Variants in NPRL3 observed in about 807,000 individuals in gnomAD.
The protein encoded by NPRL3 is GATOR1 complex protein NPRL3.
NPRL3 carries 23 observed loss-of-function variants against 57.2 expected under a neutral mutation model. The ratio of observed to expected loss-of-function variants is 0.40; its 90% CI spans 0.29 to 0.57. The LOEUF is 0.57. NPRL3 is among the 20% of genes least tolerant of loss of function. NPRL3 has a pLI of 0.42. For missense variants in NPRL3, 691 were observed against 767.1 expected (o/e 0.90, Z 1.17); for synonymous variants, 333 against 321.1 (o/e 1.04, Z -0.39).
chr16:114,442 C>T (rs902285401), intron 5 of NPRL3, among the ~76,000 whole-genome samples: 4 of 152,194 alleles, frequency 2.6e-5, no homozygotes, highest in African/African-American at 7.2e-5. Context: ...ACTTTCTCAT[C>T]CCCAAAACTT....
At chr16:102,858 C>T (rs928247859) in intron 7 of NPRL3, among the ~76,000 whole-genome samples, 4 of 152,172 alleles carry the variant, frequency 2.6e-5, no homozygotes, top group African/African-American at 7.2e-5. Context: ...CCAAGTATGT[C>T]GGGGCAGACA....
At position 86,418 on chromosome 16, in the gene NPRL3, G is replaced by A. The variant is rs1898471205; in HGVS notation, c.*287C>T. On this transcript the variant is annotated 3_prime_UTR_variant, in exon 14 of 14. Coordinates refer to ENST00000611875, the MANE Select transcript of NPRL3 (RefSeq NM_001077350.3). ...GCCTTGAAGGATGCGGCCTCACCCA[G>A]AGACAGGAGTCCTGGCAGGCCCCCC... is the stretch of plus-strand genomic sequence containing the variant. 2 of 434,296 alleles carry A rather than the reference G, an allele frequency of 4.6e-6. No individual in the cohort carries two copies. The highest frequency in any genetic ancestry group is 8.5e-6 in the Non-Finnish European group (2 of 235,664). 26.9% of individuals were successfully genotyped at this position (434,296 alleles called of 1,614,324 possible). A position where few individuals can be genotyped will look rare whatever the true frequency, so the allele number is the denominator to read the frequency against.
chr16:113,389 A>T (rs1899900513), intron 5 of NPRL3, among the ~76,000 whole-genome samples: 2 of 152,212 alleles, frequency 1.3e-5, no homozygotes, highest in Admixed American at 6.5e-5. Flanking sequence ...TTAACAAGAA[A>T]ACCAGCAGGC....
At chr16:87,405 T>C (rs1391534919) in intron 13 of NPRL3, among the ~76,000 whole-genome samples, 1 of 151,682 alleles carries the variant, frequency 6.6e-6, no homozygotes, top group Non-Finnish European at 1.5e-5. Flanking sequence ...GGCTAATTTC[T>C]CTCTTTTTTA....
At chr16:104,692 C>T (rs907335589) in intron 7 of NPRL3, among the ~76,000 whole-genome samples, 1 of 152,236 alleles carries the variant, frequency 6.6e-6, no homozygotes, top group African/African-American at 2.4e-5. Context: ...TCAGAGCACT[C>T]TGCACTGAGG....
chr16:132,007 TC>T (rs1404510837), intron 2 of NPRL3, among the ~76,000 whole-genome samples: 3 of 118,902 alleles, frequency 2.5e-5, no homozygotes, highest in African/African-American at 9.5e-5. Flanking sequence ...TTTCTTTCTT[TC>T]TTTTTTTTTT....
intron 2 of NPRL3, among the ~76,000 whole-genome samples, chr16:134,419 C>G (rs1388129191): frequency 6.6e-6 from 1 of 151,862 alleles, no homozygotes; most frequent in Non-Finnish European, 1.5e-5. Flanking sequence ...CCCATGAAAA[C>G]AATGGAAAAG....
At chr16:121,388 T>C (rs1397489982) in intron 3 of NPRL3, among the ~76,000 whole-genome samples, 3 of 152,054 alleles carry the variant, frequency 2.0e-5, no homozygotes, top group East Asian at 3.9e-4. Flanking sequence ...TTTGGGAGGC[T>C]GAAGTGGGTG....
chr16:138,353 G>T lies in NPRL3; in HGVS notation c.-67-19C>A. The stretch of plus-strand genomic sequence containing the variant: ...AGGGGGCCTGAGGAGGACGGAGCCG[G>T]AGGCGGAGGGGGCCTGAGGAGGACG... On this transcript the variant is annotated intron_variant, in intron 1 of 13. Transcript: ENST00000611875. 1 of 1,063,038 alleles carries T rather than the reference G, an allele frequency of 9.4e-7. No individual in the cohort carries two copies. Among genetic ancestry groups the T allele is most frequent in the Admixed American group, 2.5e-5 (1 of 40,008 alleles). 65.9% of individuals were successfully genotyped at this position (1,063,038 alleles called of 1,614,324 possible).
At chr16:125,674 A>C (rs1264261804) in intron 3 of NPRL3, 1 of 152,278 alleles carries the variant, frequency 6.6e-6, no homozygotes, top group Non-Finnish European at 1.5e-5. Context: ...CGAGAGTCAA[A>C]CTTGGAACCC....
At chr16:88,140 C>T (rs1417047152) in intron 13 of NPRL3, among the ~76,000 whole-genome samples, 1 of 152,200 alleles carries the variant, frequency 6.6e-6, no homozygotes, top group East Asian at 1.9e-4. Context: ...GCCACATCAC[C>T]TTTAACATGG....
chr16:120,489 C>T (rs749986335), intron 3 of NPRL3, among the ~76,000 whole-genome samples: 1 of 152,240 alleles, frequency 6.6e-6, no homozygotes, highest in Non-Finnish European at 1.5e-5. Context: ...CAAGTAGCTA[C>T]ATGATTCTTT....
At chr16:88,627 G>A (rs902210920) in intron 13 of NPRL3, 71 bp downstream of exon 13, 63 of 1,356,458 alleles carry the variant, frequency 4.6e-5, no homozygotes, top group Non-Finnish European at 5.8e-5. Context: ...GTTCTGTTGC[G>A]TACGTCCCTA....
Position 98,254 on chromosome 16 carries a change from C to G in NPRL3, c.815G>C (p.Gly272Ala). The G allele has an allele frequency of 6.2e-7, 1 of 1,613,980 alleles. No individual in the cohort carries two copies. Among genetic ancestry groups the G allele is most frequent in the Non-Finnish European group, 8.5e-7 (1 of 1,179,870 alleles). The change falls in exon 9 of 14, where the codon GGT becomes GCT. Residue 272 changes from glycine to alanine, a missense_variant. Gly to Ala is a moderately conservative substitution (Grantham distance 60). Coordinates refer to ENST00000611875, the MANE Select transcript of NPRL3 (RefSeq NM_001077350.3). The part of the protein sequence containing the change: ...LLLSDEKSLL[G>A]ELPIDCSPAL... Reference sequence around the variant, plus strand: ...AGGGGAGCAGTCAATAGGAAGCTCACCCAGCAAGGACTTCTCATCACTGAG... The same window carrying G: ...AGGGGAGCAGTCAATAGGAAGCTCAGCCAGCAAGGACTTCTCATCACTGAG...
Position 85,743 on chromosome 16 carries a change from T to C in NPRL3, c.*962A>G, listed in dbSNP as rs1898434782. 1 of 1,514,590 alleles carries C rather than the reference T, an allele frequency of 6.6e-7. No individual in the cohort carries two copies. The highest frequency in any genetic ancestry group is 8.8e-7 in the Non-Finnish European group (1 of 1,130,512). 93.8% of individuals were successfully genotyped at this position (1,514,590 alleles called of 1,614,324 possible). The stretch of plus-strand genomic sequence containing the variant: ...CGGGGCAGCCCCTGGGTCAGTGTGG[T>C]CGACAGAGTGGCTGAGCAGGACACA... On this transcript the variant is annotated 3_prime_UTR_variant, in exon 14 of 14. Coordinates refer to ENST00000611875, the MANE Select transcript of NPRL3 (RefSeq NM_001077350.3).
At chr16:92,428 G>A (rs1357173008) in intron 11 of NPRL3, among the ~76,000 whole-genome samples, 168 bp downstream of exon 11, 1 of 152,186 alleles carries the variant, frequency 6.6e-6, no homozygotes, top group Non-Finnish European at 1.5e-5. Context: ...CCCGGCAGCT[G>A]ACTTTTGGGT....
chr16:111,281 T>G (rs1425604518), intron 6 of NPRL3, among the ~76,000 whole-genome samples: 2 of 151,748 alleles, frequency 1.3e-5, no homozygotes, highest in African/African-American at 4.8e-5. Context: ...GCGCCTGTAG[T>G]CCCAGCTACT....
chr16:110,827 A>G (rs1899773706), intron 6 of NPRL3, among the ~76,000 whole-genome samples: 1 of 152,128 alleles, frequency 6.6e-6, no homozygotes, highest in African/African-American at 2.4e-5. Context: ...TGGGATTATA[A>G]GCATGAGCCA....
rs1251093911 is a variant in NPRL3, at chr16:88,896, G to A, written c.1352-6C>T. ...GGTCATGTCATCGCTGCTGGCTGTG[G>A]GGGACATGGGTCAGGGTGACCAAGT... On this transcript the variant is annotated splice_polypyrimidine_tract_variant and splice_region_variant and intron_variant, in intron 12 of 13. Coordinates refer to ENST00000611875, the MANE Select transcript of NPRL3 (RefSeq NM_001077350.3). 6.2e-6 allele frequency: 10 copies of A among 1,606,328 alleles called. No individual in the cohort carries two copies. Among genetic ancestry groups the A allele is most frequent in the African/African-American group, 1.3e-5 (1 of 74,818 alleles).
Sources: gnomAD v4.1 joint callset for allele counts (sites outside exome capture counted in the v4.1 genomes callset) on GRCh38, gnomAD v4.1.1 for gene constraint, MANE v1.5 for transcripts, NCBI Gene and HGNC (gene_info 2026-07-23, HGNC 2026-07-21) for gene names.